THRB: variants seen among roughly 807,000 people sequenced by gnomAD.
The protein encoded by THRB is nuclear receptor subfamily 1 group A member 2.
A neutral mutation model predicts 47.8 loss-of-function variants in THRB; 12 were observed. The observed-to-expected ratio is 0.25, with a 90% confidence interval of 0.16 to 0.41. The LOEUF (loss-of-function observed/expected upper bound fraction) is 0.41, where lower values mean the gene tolerates loss of function less well. Ranked by LOEUF, THRB falls within the 10% of genes least tolerant of loss-of-function variation. THRB has a pLI of 1.00. For synonymous variants in THRB, 218 were observed against 212.2 expected, an observed-to-expected ratio of 1.03 and a Z score of -0.24; for missense variants, 348 against 589.2, an observed-to-expected ratio of 0.59 and a Z score of 4.24.
chr3:24,262,275 A>T (rs1416205375), intron 3 of THRB, among the ~76,000 whole-genome samples: 5 of 152,268 alleles, frequency 3.3e-5, no homozygotes, highest in Non-Finnish European at 5.9e-5. Flanking sequence ...TCTCACCTGG[A>T]TTTTTATAAT....
intron 5 of THRB, among the ~76,000 whole-genome samples, chr3:24,161,335 G>C (rs1397271380): frequency 6.6e-6 from 1 of 152,068 alleles, no homozygotes; most frequent in East Asian, 1.9e-4. Flanking sequence ...ACATTTAAAA[G>C]AGATTATTTA....
Position 24,217,107 on chromosome 3 carries a change from TATA to T in THRB, c.22+11828_22+11830del, listed in dbSNP as rs1455488759. Among the ~76,000 whole-genome samples, 5 of 148,832 alleles carry T rather than the reference TATA, an allele frequency of 3.4e-5. No individual in the cohort carries two copies. In the East Asian group the frequency reaches 9.7e-4, roughly 29 times the overall value. On this transcript the variant is annotated intron_variant, in intron 4 of 10. Coordinates refer to ENST00000646209, the MANE Select transcript of THRB (RefSeq NM_001354712.2). ...TATTATAAGAATTATAAGATATTAATATAATATTTAATTAATATAAGAATGTAA... is the reference window on the plus strand; with the variant it reads ...TATTATAAGAATTATAAGATATTAATATATTTAATTAATATAAGAATGTAA...
chr3:24,200,416 T>C (rs1354667403), intron 4 of THRB, among the ~76,000 whole-genome samples: 2 of 152,090 alleles, frequency 1.3e-5, no homozygotes, highest in Admixed American at 6.5e-5. Context: ...TTAAGATTTA[T>C]AATTTCTCAA....
chr3:24,201,170 T>C lies in THRB; in HGVS notation c.23-10836A>G, dbSNP rs183485078. ...AAAATGAAGAGAAGCAGGTAGGGTTTTGACTGTCTTTTCCATATCTTCCTG... is the reference window on the plus strand; with the variant it reads ...AAAATGAAGAGAAGCAGGTAGGGTTCTGACTGTCTTTTCCATATCTTCCTG... On this transcript the variant is annotated intron_variant, in intron 4 of 10. Coordinates refer to ENST00000646209, the MANE Select transcript of THRB (RefSeq NM_001354712.2). 4.6e-5 allele frequency among the ~76,000 whole-genome samples: 7 copies of C among 152,264 alleles called. No individual in the cohort carries two copies. In the East Asian group the frequency reaches 1.4e-3, roughly 29 times the overall value.
chr3:24,127,445 G>A (rs897635648), intron 10 of THRB, 54 bp downstream of exon 10: 28 of 1,597,186 alleles, frequency 1.8e-5, no homozygotes, highest in African/African-American at 4.0e-5. Flanking sequence ...TGGAATTAGC[G>A]CTAGACAAGC....
chr3:24,214,119 C>A (rs1045221019), intron 4 of THRB, among the ~76,000 whole-genome samples: 10 of 152,222 alleles, frequency 6.6e-5, no homozygotes, highest in Non-Finnish European at 1.5e-4. Flanking sequence ...GGGAAAGCGA[C>A]TTGCCCAAGG....
intron 1 of THRB, among the ~76,000 whole-genome samples, chr3:24,392,024 C>G (rs989234544): frequency 6.6e-6 from 1 of 152,094 alleles, no homozygotes; most frequent in African/African-American, 2.4e-5. Flanking sequence ...TTCTACTGCC[C>G]TCATGGTGGC....
chr3:24,264,221 C>A (rs925365333), intron 3 of THRB, among the ~76,000 whole-genome samples: 3 of 152,050 alleles, frequency 2.0e-5, no homozygotes, highest in Non-Finnish European at 4.4e-5. Flanking sequence ...TGCCTCAGGA[C>A]CTTTGAACAT....
At chr3:24,341,840 T>C (rs1049244826) in intron 1 of THRB, among the ~76,000 whole-genome samples, 6 of 152,146 alleles carry the variant, frequency 3.9e-5, no homozygotes, top group African/African-American at 4.8e-5. Context: ...GAGAAACACA[T>C]AGCAGAGTTG....
chr3:24,331,324 A>T (rs1194862956), intron 2 of THRB, among the ~76,000 whole-genome samples: 1 of 152,202 alleles, frequency 6.6e-6, no homozygotes, highest in African/African-American at 2.4e-5. Context: ...AGGGAATAAG[A>T]AAGGGAAAAA....
At chr3:24,407,066 A>G (rs1217554167) in intron 1 of THRB, among the ~76,000 whole-genome samples, 1 of 151,742 alleles carries the variant, frequency 6.6e-6, no homozygotes, top group Non-Finnish European at 1.5e-5. Context: ...CTTTAGATAA[A>G]CTGAACTGAG....
intron 3 of THRB, among the ~76,000 whole-genome samples, chr3:24,238,524 T>G (rs1203661923): frequency 6.6e-6 from 1 of 152,112 alleles, no homozygotes; most frequent in African/African-American, 2.4e-5. Flanking sequence ...AGTTTGATAA[T>G]GAGTAAGACA....
intron 1 of THRB, chr3:24,459,428 G>A (rs1360994247): frequency 6.6e-6 from 1 of 152,140 alleles, no homozygotes; most frequent in African/African-American, 2.4e-5. Flanking sequence ...GAACATACCT[G>A]TGCATGTGTC....
At chr3:24,246,904 TAAACAAACATG>T (rs559663176) in intron 3 of THRB, among the ~76,000 whole-genome samples, 2 of 152,180 alleles carry the variant, frequency 1.3e-5, no homozygotes, top group Non-Finnish European at 2.9e-5. Flanking sequence ...TTACCTACTA[TAAACAAACATG>T]AACTATTTCA....
intron 1 of THRB, among the ~76,000 whole-genome samples, chr3:24,411,387 G>C (rs914215723): frequency 6.6e-6 from 1 of 151,708 alleles, no homozygotes; most frequent in Non-Finnish European, 1.5e-5. Flanking sequence ...AGCCAAAAGA[G>C]ATCTCTGAGA....
chr3:24,448,514 C>A (rs192853273), intron 1 of THRB, among the ~76,000 whole-genome samples: 3 of 152,118 alleles, frequency 2.0e-5, no homozygotes, highest in Non-Finnish European at 4.4e-5. Context: ...GATAAGCAGG[C>A]CTTGTCCTGG....
At chr3:24,303,536 A>G (rs1447583245) in intron 2 of THRB, among the ~76,000 whole-genome samples, 1 of 152,208 alleles carries the variant, frequency 6.6e-6, no homozygotes, top group African/African-American at 2.4e-5. Context: ...GAGATGATCT[A>G]TAGCTGACCA....
chr3:24,214,999 G>A (rs533610449), intron 4 of THRB, among the ~76,000 whole-genome samples: 125 of 152,274 alleles, frequency 8.2e-4, no homozygotes, highest in African/African-American at 3.0e-3. Context: ...CATTTGAAAC[G>A]TTTTCCACTT....
intron 1 of THRB, among the ~76,000 whole-genome samples, chr3:24,338,887 T>A (rs192839390): frequency 1.1e-4 from 17 of 152,340 alleles, no homozygotes; most frequent in Non-Finnish European, 2.9e-5. Context: ...GCACCGCCCA[T>A]TTCATAAACC....
Sources: gnomAD v4.1 joint callset for allele counts (sites outside exome capture counted in the v4.1 genomes callset) on GRCh38, gnomAD v4.1.1 for gene constraint, MANE v1.5 for transcripts, NCBI Gene and HGNC (gene_info 2026-07-23, HGNC 2026-07-21) for gene names.